The following CYP2A6 variants were observed in gnomAD, a reference collection of about 807,000 sequenced individuals.
CYP2A6 encodes cytochrome P450 2A6.
CYP2A6 carries 27 observed loss-of-function variants against 42.3 expected under a neutral mutation model. The observed-to-expected ratio is 0.64, with a 90% CI of 0.47 to 0.88. The LOEUF (loss-of-function observed/expected upper bound fraction) is 0.88. Ranked by LOEUF, CYP2A6 falls within the 40% of genes least tolerant of loss-of-function variation. CYP2A6 has a pLI of 0.00. For synonymous variants in CYP2A6, 238 were observed against 246.3 expected, an observed-to-expected ratio of 0.97 and a Z score of 0.31; for missense variants, 628 against 646.0, an observed-to-expected ratio of 0.97 and a Z score of 0.30.
In CYP2A6 at chr19:40,845,482, C is replaced by T. The variant is rs1260436866; in HGVS notation, c.974-1G>A. On this transcript the variant is annotated splice_acceptor_variant, in intron 6 of 8. Coordinates refer to ENST00000301141, the MANE Select transcript of CYP2A6 (RefSeq NM_000762.6). LOFTEE classifies it high-confidence loss of function. ...CTGTCAATCTCCTCATGGACCTTGG[C>T]TGGGGGAGGAGGGGGAATGTGTTTA... 1 of 1,611,270 alleles carries T rather than the reference C, an allele frequency of 6.2e-7. No homozygotes were observed. Among genetic ancestry groups the T allele is most frequent in the Non-Finnish European group, 8.5e-7 (1 of 1,179,602 alleles).
intron 4 of CYP2A6, among the ~76,000 whole-genome samples, chr19:40,847,268 G>A (rs1002350700): frequency 7.9e-5 from 12 of 151,564 alleles, no homozygotes; most frequent in African/African-American, 2.9e-4. Context: ...GAGAAGAACT[G>A]AGACATATAT....
chr19:40,846,237 G>C, intron 5 of CYP2A6, 140 bp from the exon 6 acceptor site: 1 of 1,246,814 alleles, frequency 8.0e-7, no homozygotes, highest in Non-Finnish European at 1.1e-6. Flanking sequence ...ACTCGCTCTA[G>C]GTTCCAGCCC....
At chr19:40,849,015 GAGAGAGGAGAGAGAGAGAGAA>G (rs1967164411) in intron 2 of CYP2A6, among the ~76,000 whole-genome samples, 1 of 95,480 alleles carries the variant, frequency 1.0e-5, no homozygotes. Context: ...AGAGAGAAGA[GAGAGAGGAGAGAGAGAGAGAA>G]GAGAGAGAGG....
Position 40,848,599 on chromosome 19 carries a change from G to C in CYP2A6, c.493+15C>G. On this transcript the variant is annotated intron_variant, in intron 3 of 8. Coordinates refer to ENST00000301141, the MANE Select transcript of CYP2A6 (RefSeq NM_000762.6). ...TTTCCTTCTCCTGCCCCCGCACTCG[G>C]GGTCCCCTGCTCACCGCCAGTGCCC... 4 of 1,608,824 alleles carry C rather than the reference G, an allele frequency of 2.5e-6. No individual in the cohort carries two copies. The highest frequency in any genetic ancestry group is 2.5e-6 in the Non-Finnish European group (3 of 1,177,662).
chr19:40,846,208 G>C, intron 5 of CYP2A6, 111 bp from the exon 6 acceptor site: 1 of 1,468,522 alleles, frequency 6.8e-7, no homozygotes. Flanking sequence ...GGTGGAAAGA[G>C]GGACCCTAGA....
At chr19:40,845,089 C>T in intron 7 of CYP2A6, 2 of 677,090 alleles carry the variant, frequency 3.0e-6, no homozygotes, top group South Asian at 2.0e-5. Context: ...GTGTTTGATT[C>T]TCCTGACACA....
chr19:40,844,967 G>C (rs1272536470), intron 7 of CYP2A6, 195 bp from the exon 8 acceptor site: 1 of 743,464 alleles, frequency 1.3e-6, no homozygotes, highest in Non-Finnish European at 2.1e-6. Context: ...GGAGACATGG[G>C]GTCCATGTCC....
intron 2 of CYP2A6, among the ~76,000 whole-genome samples, chr19:40,849,005 AGAGAGAAGAGAGAGAG>A (rs1466735354): frequency 3.6e-5 from 3 of 83,446 alleles, no homozygotes; most frequent in African/African-American, 9.7e-5. Flanking sequence ...AGAGAGAGAG[AGAGAGAAGAGAGAGAG>A]GAGAGAGAGA....
chr19:40,846,233 T>C, intron 5 of CYP2A6, 136 bp from the exon 6 acceptor site: 2 of 1,279,726 alleles, frequency 1.6e-6, no homozygotes, highest in Non-Finnish European at 2.1e-6. Flanking sequence ...CCAGACTCGC[T>C]CTAGGTTCCA....
chr19:40,849,336 A>G (rs1416185717), intron 2 of CYP2A6, among the ~76,000 whole-genome samples: 1 of 151,270 alleles, frequency 6.6e-6, no homozygotes, highest in Admixed American at 6.6e-5. Context: ...TGAGATAGAA[A>G]CAGAGAGGGT....
intron 8 of CYP2A6, among the ~76,000 whole-genome samples, 165 bp from the exon 9 acceptor site, chr19:40,844,142 C>A (rs2083444212): frequency 6.6e-6 from 1 of 150,608 alleles, no homozygotes; most frequent in African/African-American, 2.5e-5. Context: ...CAATTTCTTT[C>A]TATAAGAGAT....
In CYP2A6 at chr19:40,846,062, T is replaced by A; in HGVS notation, c.867A>T (p.Lys289Asn). ...EKNPNTEFYL[K>N]NLVMTTLNLF... ...GGTTCAACGTGGTCATCACCAGGTT[T>A]TTCAAGTAGAACTCCGTGTTGGGGT... Residue 289 changes from lysine (K) to asparagine (N), a missense_variant, in exon 6 of 9, where the codon AAA (lysine) becomes AAT (asparagine). This residue lies in a region of CYP2A6 where 606 missense variants were observed against 568.1 expected (regional missense o/e 1.07). Coordinates refer to ENST00000301141, the MANE Select transcript of CYP2A6 (RefSeq NM_000762.6). 1.9e-6 allele frequency: 3 copies of A among 1,610,728 alleles called. No individual in the cohort carries two copies. The highest frequency in any genetic ancestry group is 2.5e-6 in the Non-Finnish European group (3 of 1,179,574).
At chr19:40,845,816 C>T (rs2083453434) in intron 6 of CYP2A6, 140 bp downstream of exon 6, 7 of 1,294,382 alleles carry the variant, frequency 5.4e-6, no homozygotes, top group Non-Finnish European at 7.4e-6. Context: ...CTGATGCCTA[C>T]CAGCTGAATG....
intron 1 of CYP2A6, 88 bp from the exon 2 acceptor site, chr19:40,850,068 C>T (rs1384557779): frequency 8.3e-6 from 13 of 1,562,202 alleles, no homozygotes; most frequent in South Asian, 2.4e-5. Context: ...TGGGATGCTT[C>T]GCACCCAGGT....
intron 4 of CYP2A6, among the ~76,000 whole-genome samples, chr19:40,847,443 G>A (rs1441602711): frequency 2.6e-5 from 4 of 151,504 alleles, no homozygotes; most frequent in Admixed American, 6.6e-5. Context: ...ATTCAAGTAG[G>A]CTTGGTTGGA....
chr19:40,848,704 G>A lies in CYP2A6; in HGVS notation c.403C>T (p.Leu135=), dbSNP rs1967145823. 2 of 1,611,956 alleles carry A rather than the reference G, an allele frequency of 1.2e-6. No individual in the cohort carries two copies. Among genetic ancestry groups the A allele is most frequent in the African/African-American group, 2.7e-5 (2 of 74,862 alleles). Residue 135 remains leucine, a synonymous_variant, in exon 3 of 9, where the codon CTG becomes TTG. Transcript: ENST00000301141. ...CGCTTGCCCACCCCGAAGTCCCGCAGGGTGGCGATGGAGAAGCGCCGGAGC... is the reference window on the plus strand; with the variant it reads ...CGCTTGCCCACCCCGAAGTCCCGCAAGGTGGCGATGGAGAAGCGCCGGAGC... ...KQLRRFSIAT[L]RDFGVGKRGI... is the part of the protein sequence containing the mutation.
chr19:40,844,341 C>CT (rs946310165), intron 8 of CYP2A6, among the ~76,000 whole-genome samples: 9 of 151,192 alleles, frequency 6.0e-5, no homozygotes, highest in Admixed American at 5.9e-4. Flanking sequence ...GCCAGGTACA[C>CT]TTGCAAATAT....
At chr19:40,846,598 C>T (rs1456659175) in intron 5 of CYP2A6, among the ~76,000 whole-genome samples, 3 of 151,290 alleles carry the variant, frequency 2.0e-5, no homozygotes, top group East Asian at 2.0e-4. Context: ...CCCCCCTTCG[C>T]GCCACCATGC....
In CYP2A6 at chr19:40,848,225, C is replaced by T. The variant is rs534806489; in HGVS notation, c.648G>A (p.Thr216=). Residue 216 remains threonine, a synonymous_variant, in exon 4 of 9, where the codon ACG becomes ACA. Transcript: ENST00000301141. Reference sequence around the variant, plus strand: ...CCGGGCTGCAGCCAGTTACCTGCCCCGTGGAGGTTGACGTGAACTGGAAGA... The same window carrying T: ...CCGGGCTGCAGCCAGTTACCTGCCCTGTGGAGGTTGACGTGAACTGGAAGA... ...LGIFQFTSTS[T]GQLYEMFSSV... is the part of the protein sequence containing the mutation. The T allele has an allele frequency of 1.2e-6, 2 of 1,611,646 alleles. No homozygotes were observed. The highest frequency in any genetic ancestry group is 1.7e-4 in the Middle Eastern group (1 of 6,058).
Sources: allele counts gnomAD v4.1 joint callset (sites outside exome capture counted in the v4.1 genomes callset), GRCh38; gene constraint gnomAD v4.1.1; regional missense constraint gnomAD v4.1.1; transcripts MANE v1.5; gene names NCBI Gene and HGNC (gene_info 2026-07-23, HGNC 2026-07-21).